Variants in ZNF346 observed in about 807,000 individuals in gnomAD.
ZNF346 encodes the protein double-stranded RNA-binding zinc finger protein JAZ.
In ZNF346, 23 loss-of-function variants were observed where a neutral mutation model predicts 33.7. That is an observed-to-expected ratio of 0.68 (90% CI 0.49 to 0.97). The LOEUF (loss-of-function observed/expected upper bound fraction) is 0.97, where lower values mean the gene tolerates loss of function less well. ZNF346 is among the 50% of genes least tolerant of loss of function. The probability of loss-of-function intolerance (pLI) is 0.00; values close to 1 mark genes in which losing one functional copy is unlikely to be tolerated. For synonymous variants in ZNF346, 134 were observed against 142.4 expected (o/e 0.94, Z 0.42); for missense variants, 340 against 371.1 (o/e 0.92, Z 0.69).
At chr5:177,064,048 C>G (rs1166111563) in intron 6 of ZNF346, among the ~76,000 whole-genome samples, 1 of 152,188 alleles carries the variant, frequency 6.6e-6, no homozygotes, top group African/African-American at 2.4e-5. Context: ...GCCTAATTAT[C>G]AGATAGGTTA....
In ZNF346 at chr5:177,064,864, T is replaced by G. The variant is rs1330791163; in HGVS notation, c.*265T>G. ...GCGGGGTGGTAGTTTGGAGGGTGGCTTTCCCCATTTCCCAACCCCTCTGGG... is the reference window on the plus strand; with the variant it reads ...GCGGGGTGGTAGTTTGGAGGGTGGCGTTCCCCATTTCCCAACCCCTCTGGG... On this transcript the variant is annotated 3_prime_UTR_variant, in exon 7 of 7. Transcript: ENST00000358149. 4.4e-6 allele frequency: 2 copies of G among 452,878 alleles called. No homozygotes were observed. The highest frequency in any genetic ancestry group is 3.6e-5 in the Admixed American group (1 of 27,882). The allele number at this position is 452,878 out of a possible 1,614,324, so 28.1% of individuals were successfully genotyped here.
chr5:177,028,588 A>G (rs1057446498), intron 1 of ZNF346, among the ~76,000 whole-genome samples: 13 of 144,594 alleles, frequency 9.0e-5, no homozygotes, highest in African/African-American at 3.3e-4. Flanking sequence ...CTAAAGCAGT[A>G]AGAGTATCTT....
intron 1 of ZNF346, among the ~76,000 whole-genome samples, chr5:177,030,320 T>C (rs1777489670): frequency 6.6e-6 from 1 of 152,004 alleles, no homozygotes; most frequent in Non-Finnish European, 1.5e-5. Context: ...GTTCAGTCCT[T>C]TTAAATGTAG....
downstream of ZNF346, among the ~76,000 whole-genome samples, chr5:177,070,932 G>T (rs1783469882): frequency 6.6e-6 from 1 of 152,192 alleles, no homozygotes; most frequent in African/African-American, 2.4e-5. Context: ...CTGAGGGGAA[G>T]AAATGGAATC....
chr5:177,074,637 T>TACATTCACTATTTTAC (rs1382098273), intron 8 of ZNF346, among the ~76,000 whole-genome samples: 2 of 152,196 alleles, frequency 1.3e-5, no homozygotes, highest in Non-Finnish European at 2.9e-5. Flanking sequence ...CATGAGCCAG[T>TACATTCACTATTTTAC]ACATTCACTA....
At chr5:177,073,996 G>A (rs1053731995) in intron 8 of ZNF346, among the ~76,000 whole-genome samples, 1 of 152,164 alleles carries the variant, frequency 6.6e-6, no homozygotes, top group Admixed American at 6.5e-5. Context: ...ACCATGTGGC[G>A]ACCACAGACC....
intron 1 of ZNF346, among the ~76,000 whole-genome samples, chr5:177,027,229 T>C (rs984358807): frequency 2.6e-5 from 4 of 151,750 alleles, no homozygotes; most frequent in Non-Finnish European, 5.9e-5. Context: ...ATTTTTGTAT[T>C]TTTCGTAGAG....
intron 4 of ZNF346, among the ~76,000 whole-genome samples, chr5:177,047,678 G>A (rs979157304): frequency 1.3e-4 from 20 of 152,040 alleles, no homozygotes; most frequent in African/African-American, 4.1e-4. Flanking sequence ...GTTAATTTTT[G>A]CATTTTTAAT....
Position 177,050,783 on chromosome 5 carries a change from G to C in ZNF346, c.550G>C (p.Asp184His). Residue 184 changes from aspartate to histidine, a missense_variant, in exon 5 of 7, where the codon GAC becomes CAC. Coordinates refer to ENST00000358149, the MANE Select transcript of ZNF346 (RefSeq NM_012279.4). ...CCAGAATAGAGAGATGATAGACCCA[G>C]ACAAGTTCTGCAGCCTCTGCCATGC... ...LHQNREMIDP[D>H]KFCSLCHATF... 6.2e-7 allele frequency: 1 copy of C among 1,614,212 alleles called. No individual in the cohort carries two copies. Among genetic ancestry groups the C allele is most frequent in the South Asian group, 1.1e-5 (1 of 91,084 alleles).
At chr5:177,060,892 CGAA>C (rs1309832128) in intron 5 of ZNF346, among the ~76,000 whole-genome samples, 2 of 150,618 alleles carry the variant, frequency 1.3e-5, no homozygotes, top group Non-Finnish European at 3.0e-5. Context: ...GGGTGGATCA[CGAA>C]GTCAGGAGAT....
Position 177,022,838 on chromosome 5 carries a change from G to T in ZNF346, c.100G>T (p.Val34Leu), listed in dbSNP as rs1775983477. ...GCTGGAGGGCCAGGAGCCGGACGGG[G>T]TGCGCTTTGACCGCGAGAGGGCGCG... is the stretch of plus-strand genomic sequence containing the variant. ...ELLEGQEPDG[V>L]RFDRERARRL... Residue 34 changes from valine (V) to leucine (L), a missense_variant, in exon 1 of 7, where the codon GTG becomes TTG. By Grantham distance (32) the Val-to-Leu change is conservative (BLOSUM62 1). Transcript: ENST00000358149. The T allele has an allele frequency of 6.5e-7, 1 of 1,537,954 alleles. No individual in the cohort carries two copies.
chr5:177,057,423 C>T (rs1424261208), intron 5 of ZNF346, among the ~76,000 whole-genome samples: 1 of 151,722 alleles, frequency 6.6e-6, no homozygotes, highest in African/African-American at 2.4e-5. Context: ...GCAATCAAGC[C>T]AAATAACATG....
intron 8 of ZNF346, among the ~76,000 whole-genome samples, chr5:177,076,869 C>T (rs1173382135): frequency 4.6e-5 from 7 of 151,980 alleles, no homozygotes; most frequent in Non-Finnish European, 1.5e-5. Flanking sequence ...GGTGAAACCC[C>T]GTCTCTACTA....
intron 4 of ZNF346, among the ~76,000 whole-genome samples, chr5:177,046,112 C>T (rs1779997290): frequency 6.6e-6 from 1 of 151,888 alleles, no homozygotes; most frequent in Admixed American, 6.6e-5. Flanking sequence ...CCAGCCTGGT[C>T]AACACGGTGA....
At chr5:177,068,296 C>CT (rs1783333134), downstream of ZNF346, among the ~76,000 whole-genome samples, 1 of 144,170 alleles carries the variant, frequency 6.9e-6, no homozygotes, top group Non-Finnish European at 1.5e-5. Flanking sequence ...GTAGTAGACT[C>CT]TAATTATTAA....
rs1780727052 is a variant in ZNF346, at chr5:177,050,644, CA to C, written c.518-103del. 5.5e-6 allele frequency: 7 copies of C among 1,274,456 alleles called. No individual in the cohort carries two copies. In the Admixed American group the frequency reaches 1.2e-4, roughly 22 times the overall value. 78.9% of individuals were successfully genotyped at this position (1,274,456 alleles called of 1,614,324 possible). ...CACAGCCCTTTCTATTCAGCATACTCAAAAGCCTGACACCTTCTGGGTTTTT... is the reference window on the plus strand; with the variant it reads ...CACAGCCCTTTCTATTCAGCATACTCAAAGCCTGACACCTTCTGGGTTTTT... On this transcript the variant is annotated intron_variant, in intron 4 of 6. Coordinates refer to ENST00000358149, the MANE Select transcript of ZNF346 (RefSeq NM_012279.4).
At chr5:177,046,999 C>T (rs892702853) in intron 4 of ZNF346, among the ~76,000 whole-genome samples, 1 of 150,856 alleles carries the variant, frequency 6.6e-6, no homozygotes, top group Non-Finnish European at 1.5e-5. Flanking sequence ...ATGGATTACA[C>T]GTGTGGGGTT....
chr5:177,067,383 C>G lies in ZNF346; in HGVS notation c.*2784C>G, dbSNP rs764813164. ...AGCTCCCATTCAGTGCCACTCAGCCCCTGCTCCTGGTCAGCTGTGAAAGGC... is the reference window on the plus strand; with the variant it reads ...AGCTCCCATTCAGTGCCACTCAGCCGCTGCTCCTGGTCAGCTGTGAAAGGC... On this transcript the variant is annotated 3_prime_UTR_variant, in exon 7 of 7. Coordinates refer to ENST00000358149, the MANE Select transcript of ZNF346 (RefSeq NM_012279.4). 2.6e-5 allele frequency among the ~76,000 whole-genome samples: 4 copies of G among 152,056 alleles called. No homozygotes were observed. Among genetic ancestry groups the G allele is most frequent in the Non-Finnish European group, 5.9e-5 (4 of 67,996 alleles).
At chr5:177,045,437 C>G (rs1337556209) in intron 4 of ZNF346, among the ~76,000 whole-genome samples, 4 of 151,890 alleles carry the variant, frequency 2.6e-5, no homozygotes, top group Admixed American at 6.6e-5. Flanking sequence ...TCACTGCAAG[C>G]TCTACCTCCC....
Sources: gnomAD v4.1 joint callset for allele counts (sites outside exome capture counted in the v4.1 genomes callset) on GRCh38, gnomAD v4.1.1 for gene constraint, MANE v1.5 for transcripts, NCBI Gene and HGNC (gene_info 2026-07-23, HGNC 2026-07-21) for gene names.